The following KCNH6 variants were observed in gnomAD, a reference collection of about 807,000 sequenced individuals.
KCNH6 encodes the protein potassium voltage-gated channel subfamily H member 6.
Under a neutral mutation model 83.4 loss-of-function variants are expected in KCNH6, and 81 were observed. That is an observed-to-expected ratio of 0.97 (90% CI 0.81 to 1.17). The LOEUF (loss-of-function observed/expected upper bound fraction) is 1.17, where lower values mean the gene tolerates loss of function less well. Among genes scored for constraint, KCNH6 ranks in the 50% most tolerant of loss-of-function variants. The pLI is 0.00. For missense variants in KCNH6, 1,203 were observed against 1,290.5 expected (o/e 0.93, Z 1.04); for synonymous variants, 503 against 545.6 (o/e 0.92, Z 1.09).
intron 2 of KCNH6, among the ~76,000 whole-genome samples, chr17:63,526,673 C>T (rs1163091858): frequency 1.3e-5 from 2 of 152,086 alleles, no homozygotes; most frequent in Non-Finnish European, 2.9e-5. Context: ...ACCTCCCTTC[C>T]CCCCAACCCC....
intron 11 of KCNH6, 110 bp downstream of exon 11, chr17:63,544,521 CT>C: frequency 1.1e-6 from 1 of 905,700 alleles, no homozygotes; most frequent in Admixed American, 3.5e-5. Flanking sequence ...GGCCATTTAG[CT>C]GCAGGTCTCC....
chr17:63,540,163 G>A lies in KCNH6; in HGVS notation c.1954+1501G>A, dbSNP rs113366938. On this transcript the variant is annotated intron_variant, in intron 8 of 12. Transcript: ENST00000314672. ...AGACGTGCCATCCATGGCCAGGCAC[G>A]GTGGCTCATGCCTGTAATCCCAGCA... Among the ~76,000 whole-genome samples, 793 of 152,268 alleles carry A rather than the reference G, an allele frequency of 5.2e-3. 8 individuals carry two copies. Among genetic ancestry groups the A allele is most frequent in the African/African-American group, 0.018 (760 of 41,552 alleles).
Position 63,533,791 on chromosome 17 carries a change from T to A in KCNH6, c.676-95T>A. The A allele has an allele frequency of 7.8e-5, 77 of 991,560 alleles. No individual in the cohort carries two copies. Among genetic ancestry groups the A allele is most frequent in the East Asian group, 2.9e-4 (9 of 31,256 alleles). 61.4% of individuals were successfully genotyped at this position (991,560 alleles called of 1,614,324 possible). A position where few individuals can be genotyped will look rare whatever the true frequency, so the allele number is the denominator to read the frequency against. On this transcript the variant is annotated intron_variant, in intron 4 of 12. Coordinates refer to ENST00000314672, the MANE Select transcript of KCNH6 (RefSeq NM_001278919.2). The surrounding 1 kb of genome is among the most constrained non-coding windows in gnomAD (Gnocchi z 4.1). ...CCACCAGAGCCGTGGTCACCCACCC[T>A]CTCCCACTACACCTTCCCCAGGCCT...
intron 6 of KCNH6, among the ~76,000 whole-genome samples, chr17:63,537,757 AT>A (rs200143919): frequency 0.024 from 3,607 of 152,136 alleles, 70 homozygotes; most frequent in Middle Eastern, 0.041. Flanking sequence ...TCTTTATTGT[AT>A]TTTTACAACT....
At chr17:63,525,101 G>T (rs184508497) in intron 2 of KCNH6, among the ~76,000 whole-genome samples, 34 of 152,308 alleles carry the variant, frequency 2.2e-4, no homozygotes, top group African/African-American at 8.2e-4. Flanking sequence ...TTCTGCATCA[G>T]AATTACCCAG....
intron 2 of KCNH6, among the ~76,000 whole-genome samples, chr17:63,529,696 G>A (rs549576874): frequency 6.6e-6 from 1 of 152,322 alleles, no homozygotes; most frequent in South Asian, 2.1e-4. Context: ...TGGGAATATG[G>A]GAAGAGCGCC....
chr17:63,524,202 G>C lies in KCNH6; in HGVS notation c.140G>C (p.Gly47Ala), dbSNP rs201946819. 568 of 1,614,094 alleles carry C rather than the reference G, an allele frequency of 3.5e-4. No individual in the cohort carries two copies. Among genetic ancestry groups the C allele is most frequent in the Non-Finnish European group, 4.4e-4 (520 of 1,180,044 alleles). Reference protein sequence around the residue: ...ENCAIIYCNDGFCELFGYSRV... With the variant: ...ENCAIIYCNDAFCELFGYSRV... The stretch of plus-strand genomic sequence containing the variant: ...TGCGCCATCATTTACTGCAACGACG[G>C]CTTCTGCGAACTCTTCGGCTACTCC... The change falls in exon 2 of 13, where the codon GGC (glycine) becomes GCC (alanine). Residue 47 changes from glycine (G) to alanine (A), a missense_variant. By Grantham distance (60) the Gly-to-Ala change is moderately conservative (BLOSUM62 0). Coordinates refer to ENST00000314672, the MANE Select transcript of KCNH6 (RefSeq NM_001278919.2).
Position 63,544,376 on chromosome 17 carries a change from C to A in KCNH6, c.2361C>A (p.Gly787=). 1 of 1,606,132 alleles carries A rather than the reference C, an allele frequency of 6.2e-7. No homozygotes were observed. The highest frequency in any genetic ancestry group is 8.5e-7 in the Non-Finnish European group (1 of 1,176,272). ...EDPDCWPLKL[G]SRLEQLQAQM... ...CAGATTGCTGGCCTCTGAAGCTGGG[C>A]TCCAGGCTAGAGCAGCTCCAGGCCC... The change falls in exon 11 of 13, where the codon GGC becomes GGA. Residue 787 remains glycine (G), a synonymous_variant. Coordinates refer to ENST00000314672, the MANE Select transcript of KCNH6 (RefSeq NM_001278919.2).
intron 4 of KCNH6, among the ~76,000 whole-genome samples, chr17:63,531,322 CAG>C (rs778659921): frequency 3.9e-5 from 6 of 152,252 alleles, no homozygotes; most frequent in Non-Finnish European, 7.3e-5. Context: ...TTCTAGGCCT[CAG>C]GGCTTTCATC....
chr17:63,528,869 C>T (rs1248775005), intron 2 of KCNH6, among the ~76,000 whole-genome samples: 1 of 148,268 alleles, frequency 6.7e-6, no homozygotes, highest in African/African-American at 2.6e-5. Context: ...GAGTCTCGCT[C>T]TGTCACCCAG....
In KCNH6 at chr17:63,524,261, G is replaced by A. The variant is rs781114824; in HGVS notation, c.199G>A (p.Asp67Asn). The change falls in exon 2 of 13, where the codon GAC becomes AAC. Residue 67 changes from aspartate to asparagine, a missense_variant. Asp to Asn is a conservative substitution (Grantham distance 23). Coordinates refer to ENST00000314672, the MANE Select transcript of KCNH6 (RefSeq NM_001278919.2). ...VEVMQQPCTCDFLTGPNTPSS... is the reference protein window; with the variant it reads ...VEVMQQPCTCNFLTGPNTPSS... Reference sequence around the variant, plus strand: ...GGTGATGCAGCAACCCTGCACCTGCGACTTCCTCACAGGCCCCAACACACC... The same window carrying A: ...GGTGATGCAGCAACCCTGCACCTGCAACTTCCTCACAGGCCCCAACACACC... 1.5e-5 allele frequency: 24 copies of A among 1,614,030 alleles called. No homozygotes were observed. Among genetic ancestry groups the A allele is most frequent in the East Asian group, 2.2e-5 (1 of 44,888 alleles).
chr17:63,530,005 CT>C, intron 2 of KCNH6, 85 bp from the exon 3 acceptor site: 2 of 1,457,556 alleles, frequency 1.4e-6, no homozygotes, highest in Non-Finnish European at 1.9e-6. Flanking sequence ...TTCACTTGAC[CT>C]TCACTCAGCC....
Position 63,538,255 on chromosome 17 carries a change from C to T in KCNH6, c.1692C>T (p.Asp564=). Residue 564 remains aspartate (D), a synonymous_variant, in exon 7 of 13, where the codon GAC becomes GAT. Coordinates refer to ENST00000314672, the MANE Select transcript of KCNH6 (RefSeq NM_001278919.2). This position sits in a 1 kb window ranked among gnomAD's most constrained non-coding sequence, Gnocchi z 4.0. ...QHAWSYTNGI[D]MNAVLKGFPE... Reference sequence around the variant, plus strand: ...CCTGGTCCTACACCAATGGCATTGACATGAACGCGGTGAGCCCCGCCGCTC... The same window carrying T: ...CCTGGTCCTACACCAATGGCATTGATATGAACGCGGTGAGCCCCGCCGCTC... The T allele has an allele frequency of 6.2e-7, 1 of 1,614,062 alleles. No individual in the cohort carries two copies. Among genetic ancestry groups the T allele is most frequent in the Non-Finnish European group, 8.5e-7 (1 of 1,179,994 alleles).
At chr17:63,531,413 G>A (rs917393744) in intron 4 of KCNH6, among the ~76,000 whole-genome samples, 3 of 152,234 alleles carry the variant, frequency 2.0e-5, no homozygotes, top group Admixed American at 6.5e-5. Context: ...GGCAGACAAA[G>A]CTGTAAGTCA....
intron 4 of KCNH6, among the ~76,000 whole-genome samples, chr17:63,530,877 C>T (rs536241756): frequency 6.6e-6 from 1 of 152,236 alleles, no homozygotes; most frequent in African/African-American, 2.4e-5. Flanking sequence ...AGGCTCAGCC[C>T]GTCACAGGGA....
intron 9 of KCNH6, among the ~76,000 whole-genome samples, chr17:63,542,793 C>G (rs958492824): frequency 6.6e-6 from 1 of 152,144 alleles, no homozygotes; most frequent in Non-Finnish European, 1.5e-5. Flanking sequence ...ACTCCAAAGC[C>G]CAGGCATTCC....
At chr17:63,527,610 G>A (rs577412675) in intron 2 of KCNH6, among the ~76,000 whole-genome samples, 68 of 152,312 alleles carry the variant, frequency 4.5e-4, no homozygotes, top group African/African-American at 1.5e-3. Context: ...TGGGTGCTGG[G>A]AGGAGCTCCT....
rs2032416741 is a variant in KCNH6, at chr17:63,535,423, C to T, written c.1102-246C>T. On this transcript the variant is annotated intron_variant, in intron 5 of 12. Transcript: ENST00000314672. This position sits in a 1 kb window ranked among gnomAD's most constrained non-coding sequence, Gnocchi z 4.9. The stretch of plus-strand genomic sequence containing the variant: ...ACCTCATCCATGAAGCCTCCCCTGA[C>T]CTCCCCTTCCTCTGTTCTCCCACTG... Among the ~76,000 whole-genome samples, 1 of 152,206 alleles carries T rather than the reference C, an allele frequency of 6.6e-6. No individual in the cohort carries two copies. The highest frequency in any genetic ancestry group is 2.1e-4 in the South Asian group (1 of 4,830).
intron 6 of KCNH6, chr17:63,536,350 T>TATTAAGAATCGGCCAGATGCTGTGGCTCA: frequency 2.2e-6 from 1 of 459,256 alleles, no homozygotes; most frequent in Non-Finnish European, 3.9e-6. Flanking sequence ...GTTTAAAAAT[T>TATTAAGAATCGGCCAGATGCTGTGGCTCA]ATTAAGAATC....
Sources: gnomAD v4.1 joint callset for allele counts (sites outside exome capture counted in the v4.1 genomes callset) on GRCh38, gnomAD v4.1.1 for gene constraint, Gnocchi (gnomAD v3.1) non-coding constraint, MANE v1.5 for transcripts, NCBI Gene and HGNC (gene_info 2026-07-23, HGNC 2026-07-21) for gene names.